PPP3CA: variants seen among roughly 807,000 people sequenced by gnomAD.
PPP3CA encodes the protein protein phosphatase 3 catalytic subunit alpha, also known as CAM-PRP catalytic subunit.
PPP3CA carries 14 observed loss-of-function variants against 66.5 expected under a neutral mutation model. The ratio of observed to expected loss-of-function variants is 0.21; its 90% CI spans 0.14 to 0.33. PPP3CA has a LOEUF of 0.33. Ranked by LOEUF, PPP3CA falls within the 10% of genes least tolerant of loss-of-function variation. PPP3CA has a pLI of 1.00. For missense variants in PPP3CA, 317 were observed against 639.5 expected, an observed-to-expected ratio of 0.50 and a Z score of 5.44; for synonymous variants, 232 against 226.2, an observed-to-expected ratio of 1.03 and a Z score of -0.23.
chr4:101,050,554 G>C (rs560681400), intron 10 of PPP3CA, among the ~76,000 whole-genome samples: 4 of 152,010 alleles, frequency 2.6e-5, no homozygotes. Context: ...TATAATCCTC[G>C]CAACAACCAC....
At chr4:101,114,344 A>G (rs1456380149) in intron 2 of PPP3CA, among the ~76,000 whole-genome samples, 23 of 152,116 alleles carry the variant, frequency 1.5e-4, no homozygotes, top group Admixed American at 1.5e-3. Flanking sequence ...ATTACTATTC[A>G]TATCTGTTAG....
In PPP3CA at chr4:101,346,858, C is replaced by T. The variant is rs1470269852; in HGVS notation, c.-62G>A. On this transcript the variant is annotated 5_prime_UTR_variant, in exon 1 of 14. Transcript: ENST00000394854. ...CGTCCGACTGCACACCCCGACCGGA[C>T]CGGCGGGCCAGACACTCAACGCCGC... The T allele has an allele frequency of 3.8e-6, 6 of 1,569,850 alleles. No individual in the cohort carries two copies. The highest frequency in any genetic ancestry group is 5.2e-6 in the Non-Finnish European group (6 of 1,158,638).
At chr4:101,089,679 C>T (rs1162031552) in intron 6 of PPP3CA, among the ~76,000 whole-genome samples, 3 of 152,182 alleles carry the variant, frequency 2.0e-5, no homozygotes, top group Admixed American at 6.5e-5. Context: ...GAAAATTTGT[C>T]ATGATCCTCA....
At position 101,196,025 on chromosome 4, in the gene PPP3CA, A is replaced by C; in HGVS notation, c.150T>G (p.Leu50=). 1 of 1,613,998 alleles carries C rather than the reference A, an allele frequency of 6.2e-7. No homozygotes were observed. The highest frequency in any genetic ancestry group is 8.5e-7 in the Non-Finnish European group (1 of 1,179,964). ...TCTCTTCCAGCCTTCCCTCCTTCAT[A>C]AGATGCGCCTTTAAGATATCCACAC... The part of the protein sequence containing the change: ...KPRVDILKAH[L]MKEGRLEESV... Residue 50 remains leucine (L), a synonymous_variant, in exon 2 of 14, where the codon CTT becomes CTG. Coordinates refer to ENST00000394854, the MANE Select transcript of PPP3CA (RefSeq NM_000944.5).
At chr4:101,237,935 C>T (rs1193460444) in intron 1 of PPP3CA, among the ~76,000 whole-genome samples, 1 of 152,070 alleles carries the variant, frequency 6.6e-6, no homozygotes, top group Non-Finnish European at 1.5e-5. Context: ...GCCATCCCAG[C>T]TCCAGAGCTC....
At chr4:101,294,726 G>T (rs981493642) in intron 1 of PPP3CA, among the ~76,000 whole-genome samples, 7 of 151,898 alleles carry the variant, frequency 4.6e-5, no homozygotes, top group Non-Finnish European at 7.4e-5. Context: ...TGTTGTGGGG[G>T]GAGTTCTATG....
At chr4:101,036,280 G>A (rs983717222) in intron 11 of PPP3CA, among the ~76,000 whole-genome samples, 17 of 152,242 alleles carry the variant, frequency 1.1e-4, no homozygotes, top group African/African-American at 3.8e-4. Context: ...ATTTCTATTG[G>A]AAAGCAATGT....
chr4:101,124,789 AAG>A (rs1238648338), intron 2 of PPP3CA, among the ~76,000 whole-genome samples: 7 of 127,782 alleles, frequency 5.5e-5, no homozygotes, highest in African/African-American at 2.4e-4. Context: ...GAAAGAAAGA[AAG>A]AAAGAAAGAG....
At chr4:101,060,395 G>A (rs1045563026) in intron 10 of PPP3CA, among the ~76,000 whole-genome samples, 9 of 152,184 alleles carry the variant, frequency 5.9e-5, no homozygotes, top group African/African-American at 2.2e-4. Flanking sequence ...AGTAAAGTTT[G>A]CTCTTATGCT....
At chr4:101,120,995 T>C (rs1442524934) in intron 2 of PPP3CA, among the ~76,000 whole-genome samples, 1 of 152,152 alleles carries the variant, frequency 6.6e-6, no homozygotes, top group Non-Finnish European at 1.5e-5. Flanking sequence ...CCTAACATGG[T>C]ATATATGGCA....
intron 1 of PPP3CA, among the ~76,000 whole-genome samples, chr4:101,204,244 C>A (rs1396442706): frequency 6.6e-6 from 1 of 152,172 alleles, no homozygotes; most frequent in Non-Finnish European, 1.5e-5. Context: ...TAGGCTCAAG[C>A]AATCCTCCTG....
At chr4:101,209,912 CAAAGT>C (rs1725248579) in intron 1 of PPP3CA, among the ~76,000 whole-genome samples, 1 of 152,010 alleles carries the variant, frequency 6.6e-6, no homozygotes, top group South Asian at 2.1e-4. Flanking sequence ...AAAACAAATA[CAAAGT>C]AAAGAAAAAT....
chr4:101,131,572 A>C (rs1050685466), intron 2 of PPP3CA, among the ~76,000 whole-genome samples: 2 of 152,210 alleles, frequency 1.3e-5, no homozygotes, highest in African/African-American at 2.4e-5. Context: ...ATATATATGC[A>C]TCCAATACAG....
chr4:101,333,292 TTTTTTTTTTTTTTTTTTG>T (rs1326391045), intron 1 of PPP3CA, among the ~76,000 whole-genome samples: 2 of 115,300 alleles, frequency 1.7e-5, no homozygotes, highest in Non-Finnish European at 3.5e-5. Flanking sequence ...TTTTTTTTTT[TTTTTTTTTTTTTTTTTTG>T]TAGAGATGAG....
chr4:101,256,212 TG>T, intron 1 of PPP3CA, among the ~76,000 whole-genome samples: 1 of 66,752 alleles, frequency 1.5e-5, no homozygotes, highest in South Asian at 6.9e-4. Flanking sequence ...TATATTAGTT[TG>T]CTCTCTGAAT....
In PPP3CA at chr4:101,110,039, G is replaced by C. The variant is rs571399475; in HGVS notation, c.260-961C>G. On this transcript the variant is annotated intron_variant, in intron 2 of 13. Transcript: ENST00000394854. ...ATTCACCTGATCCAAAGCTTTTCCT[G>C]TCAGCCACCACATTATGGTATCTTT... is the stretch of plus-strand genomic sequence containing the variant. 2.6e-5 allele frequency among the ~76,000 whole-genome samples: 4 copies of C among 152,192 alleles called. No homozygotes were observed. In the East Asian group the frequency reaches 7.7e-4, roughly 29 times the overall value.
chr4:101,196,555 T>C (rs1724798514), intron 1 of PPP3CA, among the ~76,000 whole-genome samples: 1 of 152,122 alleles, frequency 6.6e-6, no homozygotes, highest in South Asian at 2.1e-4. Context: ...CCCAACCAGA[T>C]TTGCTGCTCT....
At chr4:101,038,531 G>A (rs1021920519) in intron 11 of PPP3CA, among the ~76,000 whole-genome samples, 10 of 151,826 alleles carry the variant, frequency 6.6e-5, no homozygotes, top group East Asian at 5.8e-4. Context: ...CACCATGCCC[G>A]GCTAATTTTC....
chr4:101,240,432 A>C (rs2110233132), intron 1 of PPP3CA, among the ~76,000 whole-genome samples: 1 of 152,196 alleles, frequency 6.6e-6, no homozygotes, highest in South Asian at 2.1e-4. Context: ...CAATTCATTC[A>C]GGTATATTAG....
Sources: allele counts gnomAD v4.1 joint callset (sites outside exome capture counted in the v4.1 genomes callset), GRCh38; gene constraint gnomAD v4.1.1; transcripts MANE v1.5; gene names NCBI Gene and HGNC (gene_info 2026-07-23, HGNC 2026-07-21).